RHOT1: variants seen among roughly 807,000 people sequenced by gnomAD.
The protein encoded by RHOT1 is mitochondrial Rho GTPase 1.
In RHOT1, 27 loss-of-function variants were observed where a neutral mutation model predicts 95.3. The ratio of observed to expected loss-of-function variants is 0.28; its 90% CI spans 0.21 to 0.39. The LOEUF is 0.39. Ranked by LOEUF, RHOT1 falls within the 10% of genes least tolerant of loss-of-function variation. The pLI, the probability that RHOT1 is intolerant of heterozygous loss-of-function variation, is 1.00. For missense variants in RHOT1, 578 were observed against 786.7 expected (o/e 0.73, Z 3.17); for synonymous variants, 227 against 263.5 (o/e 0.86, Z 1.34).
intron 2 of RHOT1, 36 bp downstream of exon 2, chr17:32,171,137 A>C: frequency 7.4e-7 from 1 of 1,347,606 alleles, no homozygotes. Context: ...AATTTTAAAA[A>C]ATTTATCAAA....
At position 32,175,356 on chromosome 17, in the gene RHOT1, A is replaced by G; in HGVS notation, c.216A>G (p.Ile72Met). 1 of 1,613,476 alleles carries G rather than the reference A, an allele frequency of 6.2e-7. No homozygotes were observed. The highest frequency in any genetic ancestry group is 1.1e-5 in the South Asian group (1 of 91,060). ...GTGATGAACAACTTCATCAAGAAAT[A>G]TCTCAGGTGAGCTTTAAAAAACAGA... ...EQSDEQLHQE[I>M]SQANVICIVY... The change falls in exon 4 of 20, where the codon ATA (isoleucine) becomes ATG (methionine). Residue 72 changes from isoleucine (I) to methionine (M), a missense_variant. Physicochemically the swap from Ile to Met is conservative, Grantham distance 10. This residue lies in a region of RHOT1 where 51 missense variants were observed against 114.7 expected (regional missense o/e 0.44). Coordinates refer to ENST00000545287, the MANE Select transcript of RHOT1 (RefSeq NM_001033566.3).
At chr17:32,209,695 C>T in intron 18 of RHOT1, 1 of 344,336 alleles carries the variant, frequency 2.9e-6, no homozygotes, top group East Asian at 5.9e-5. Flanking sequence ...TACTGTAATT[C>T]TGTTGTGTGT....
chr17:32,199,050 T>G lies in RHOT1; in HGVS notation c.954+19T>G, dbSNP rs753387192. ...TGATTTGGTAAGCCTTTAGCTGTAA[T>G]TTTCCATTATATATAGTAAAACATT... is the stretch of plus-strand genomic sequence containing the variant. On this transcript the variant is annotated intron_variant, in intron 12 of 19. Transcript: ENST00000545287. 3.9e-6 allele frequency: 6 copies of G among 1,519,542 alleles called. No individual in the cohort carries two copies. The Admixed American group carries it at 1.0e-4, about 26-fold the overall frequency. The allele number at this position is 1,519,542 out of a possible 1,614,324, so 94.1% of individuals were successfully genotyped here. A position where few individuals can be genotyped will look rare whatever the true frequency, so the allele number is the denominator to read the frequency against.
In RHOT1 at chr17:32,225,436, T is replaced by TA. The variant is rs143886333; in HGVS notation, c.*713dup. The TA allele has an allele frequency of 0.024, 3,667 of 150,784 alleles. 67 individuals carry two copies. The highest frequency in any genetic ancestry group is 0.036 in the Non-Finnish European group (2,451 of 67,466). 9.3% of individuals were successfully genotyped at this position (150,784 alleles called of 1,614,324 possible). On this transcript the variant is annotated 3_prime_UTR_variant, in exon 20 of 20. Transcript: ENST00000545287. ...GAATTTTATAGCCCTTTCAATGAAATAAAAAAAAAATTTGTATATTACCAA... is the reference window on the plus strand; with the variant it reads ...GAATTTTATAGCCCTTTCAATGAAATAAAAAAAAAAATTTGTATATTACCAA...
chr17:32,143,114 C>G, intron 1 of RHOT1: 1 of 565,664 alleles, frequency 1.8e-6, no homozygotes, highest in Non-Finnish European at 3.5e-6. Context: ...CCTTTCAGAC[C>G]TTCTTGTCTT....
chr17:32,224,313 A>T (rs187213329), intron 19 of RHOT1, among the ~76,000 whole-genome samples: 1 of 152,378 alleles, frequency 6.6e-6, no homozygotes, highest in East Asian at 1.9e-4. Flanking sequence ...GTATTATAAA[A>T]TGCTAGATTG....
intron 8 of RHOT1, among the ~76,000 whole-genome samples, chr17:32,191,079 G>A (rs1484903677): frequency 2.6e-5 from 4 of 152,146 alleles, no homozygotes; most frequent in African/African-American, 7.2e-5. Flanking sequence ...ATAAGTGTGA[G>A]CCACCGCGCC....
intron 16 of RHOT1, among the ~76,000 whole-genome samples, chr17:32,205,659 G>T (rs564777062): frequency 6.6e-6 from 1 of 152,234 alleles, no homozygotes; most frequent in Non-Finnish European, 1.5e-5. Context: ...GGTTATATGG[G>T]CCAGGTGTGG....
intron 19 of RHOT1, among the ~76,000 whole-genome samples, chr17:32,221,369 TCAAAAAAAAAAAA>T (rs1469971622): frequency 2.3e-5 from 3 of 129,634 alleles, no homozygotes; most frequent in Non-Finnish European, 4.8e-5. Context: ...TTCGTCTGTC[TCAAAAAAAAAAAA>T]AAAAAGAAAG....
chr17:32,166,893 T>G (rs1328023515), intron 1 of RHOT1, among the ~76,000 whole-genome samples: 1 of 152,244 alleles, frequency 6.6e-6, no homozygotes, highest in Non-Finnish European at 1.5e-5. Context: ...TACTTTGATC[T>G]CCTGTGAATC....
At chr17:32,165,356 A>AAAAAC (rs2033975947) in intron 1 of RHOT1, among the ~76,000 whole-genome samples, 1 of 150,374 alleles carries the variant, frequency 6.7e-6, no homozygotes, top group Non-Finnish European at 1.5e-5. Context: ...AAAAAAAAAA[A>AAAAAC]AAAAAACAAT....
intron 8 of RHOT1, among the ~76,000 whole-genome samples, chr17:32,189,215 C>A (rs1463532164): frequency 1.3e-5 from 2 of 152,132 alleles, no homozygotes; most frequent in Non-Finnish European, 2.9e-5. Flanking sequence ...AGGAGAATGG[C>A]ATGAACCCAG....
intron 11 of RHOT1, among the ~76,000 whole-genome samples, chr17:32,194,376 G>C (rs9915624): frequency 6.6e-6 from 1 of 152,164 alleles, no homozygotes; most frequent in Non-Finnish European, 1.5e-5. Context: ...AATTATAGCA[G>C]AGCTTTATAG....
chr17:32,171,212 T>C lies in RHOT1; in HGVS notation c.96+111T>C, dbSNP rs553372331. ...GTGTTATGTGCTTCCTTTTGGACAG[T>C]TGAGACTTTTTTTTCTCCCTTCTTT... On this transcript the variant is annotated intron_variant, in intron 2 of 19. Coordinates refer to ENST00000545287, the MANE Select transcript of RHOT1 (RefSeq NM_001033566.3). The C allele has an allele frequency of 9.1e-5, 64 of 701,690 alleles. No homozygotes were observed. The African/African-American group carries it at 1.1e-3, about 12-fold the overall frequency. The allele number at this position is 701,690 out of a possible 1,614,324, so 43.5% of individuals were successfully genotyped here.
rs979129603 is a variant in RHOT1 at position 32,197,718 on chromosome 17, G to A, written c.870-1229G>A. ...ACTGGGATTACAGGCGTGAGCCACC[G>A]TGCCTGGCCACACCCGGCTAATTTT... is the stretch of plus-strand genomic sequence containing the variant. On this transcript the variant is annotated intron_variant, in intron 11 of 19. Coordinates refer to ENST00000545287, the MANE Select transcript of RHOT1 (RefSeq NM_001033566.3). 1.5e-4 allele frequency among the ~76,000 whole-genome samples: 22 copies of A among 150,942 alleles called. 1 individual carries two copies. The highest frequency in any genetic ancestry group is 1.2e-3 in the Admixed American group (18 of 15,146).
intron 1 of RHOT1, among the ~76,000 whole-genome samples, chr17:32,152,831 C>A (rs905761931): frequency 6.6e-6 from 1 of 151,358 alleles, no homozygotes; most frequent in Admixed American, 6.6e-5. Flanking sequence ...TGAGACAGGG[C>A]CTCACTCGGT....
intron 6 of RHOT1, among the ~76,000 whole-genome samples, chr17:32,178,215 G>C (rs301346): frequency 6.0e-5 from 8 of 132,796 alleles, no homozygotes; most frequent in East Asian, 5.0e-4. Flanking sequence ...CCCCCCCCCA[G>C]TGATCTCCCT....
intron 19 of RHOT1, among the ~76,000 whole-genome samples, chr17:32,223,205 T>G (rs577076044): frequency 2.6e-5 from 4 of 151,190 alleles, no homozygotes; most frequent in Admixed American, 1.3e-4. Flanking sequence ...ACAGACTATT[T>G]TGTGATAACT....
intron 6 of RHOT1, among the ~76,000 whole-genome samples, chr17:32,176,742 T>G (rs1478682679): frequency 6.6e-6 from 1 of 151,846 alleles, no homozygotes; most frequent in Non-Finnish European, 1.5e-5. Flanking sequence ...CTGGCTAATT[T>G]TCGTATTTTT....
Sources: allele counts gnomAD v4.1 joint callset (sites outside exome capture counted in the v4.1 genomes callset), GRCh38; gene constraint gnomAD v4.1.1; regional missense constraint gnomAD v4.1.1; transcripts MANE v1.5; gene names NCBI Gene and HGNC (gene_info 2026-07-23, HGNC 2026-07-21).